Variants in GINS2 observed in about 807,000 individuals in gnomAD.
The protein encoded by GINS2 is GINS complex subunit 2, also known as DNA replication complex GINS protein PSF2.
A neutral mutation model predicts 21.2 loss-of-function variants in GINS2; 23 were observed. The ratio of observed to expected loss-of-function variants is 1.08; its 90% confidence interval spans 0.78 to 1.53. The LOEUF (loss-of-function observed/expected upper bound fraction) is 1.53. Ranked by LOEUF, GINS2 falls within the 40% of genes most tolerant of loss-of-function variation. GINS2 has a pLI of 0.00. For missense variants in GINS2, 323 were observed against 233.9 expected (o/e 1.38, Z -2.49); for synonymous variants, 118 against 85.6 (o/e 1.38, Z -2.09).
chr16:85,684,724 G>C (rs1272125492), intron 2 of GINS2, among the ~76,000 whole-genome samples: 1 of 150,768 alleles, frequency 6.6e-6, no homozygotes, highest in African/African-American at 2.4e-5. Flanking sequence ...TTGGATAAGA[G>C]AAATCAGAAA....
chr16:85,678,717 C>A (rs768569140), intron 3 of GINS2, 51 bp from the exon 4 acceptor site: 1 of 1,584,970 alleles, frequency 6.3e-7, no homozygotes, highest in Admixed American at 1.7e-5. Flanking sequence ...TAACCTGAGG[C>A]AATGCTGGAT....
At chr16:85,681,142 C>T (rs1224692603) in intron 3 of GINS2, among the ~76,000 whole-genome samples, 1 of 152,130 alleles carries the variant, frequency 6.6e-6, no homozygotes, top group African/African-American at 2.4e-5. Flanking sequence ...GCCTTTCCTG[C>T]GAAAGACACA....
Position 85,676,304 on chromosome 16 carries a change from T to C in GINS2, c.*1908A>G, listed in dbSNP as rs1269378915. Reference sequence around the variant, plus strand: ...CGGAGCTGCCTCCACTGGCTCAGGCTCTAAGAGGAGGGCATTAGGACCCCT... The same window carrying C: ...CGGAGCTGCCTCCACTGGCTCAGGCCCTAAGAGGAGGGCATTAGGACCCCT... On this transcript the variant is annotated 3_prime_UTR_variant, in exon 5 of 5. Transcript: ENST00000253462. 1.3e-5 allele frequency: 2 copies of C among 152,224 alleles called. No homozygotes were observed. The highest frequency in any genetic ancestry group is 2.9e-5 in the Non-Finnish European group (2 of 68,034). The allele number at this position is 152,224 out of a possible 1,614,324, so 9.4% of individuals were successfully genotyped here.
chr16:85,682,021 C>CTT lies in GINS2; in HGVS notation c.206-342_206-341dup, dbSNP rs56847154. ...CAGCAAAGTGATTTACCTTTACCGC[C>CTT]TTTTTTTTTTTTTTTTTTTTTTTTT... On this transcript the variant is annotated intron_variant, in intron 2 of 4. Transcript: ENST00000253462. 7.0e-3 allele frequency among the ~76,000 whole-genome samples: 514 copies of CTT among 73,366 alleles called. 107 individuals carry two copies. Among genetic ancestry groups the CTT allele is most frequent in the African/African-American group, 0.027 (462 of 17,118 alleles). The allele number at this position is 73,366 out of a possible 152,430, so 48.1% of individuals were successfully genotyped here.
Position 85,678,173 on chromosome 16 carries a change from C to G in GINS2, c.*39G>C, listed in dbSNP as rs375797950. On this transcript the variant is annotated 3_prime_UTR_variant, in exon 5 of 5. Transcript: ENST00000253462. The stretch of plus-strand genomic sequence containing the variant: ...CGAGTACCTCATCACGTCCTGAGCG[C>G]TCACATCCCCCAGCAAGCCGCCTGC... The G allele has an allele frequency of 1.4e-5, 22 of 1,603,350 alleles. No individual in the cohort carries two copies. The African/African-American group carries it at 1.9e-4, about 14-fold the overall frequency.
intron 2 of GINS2, among the ~76,000 whole-genome samples, chr16:85,684,248 C>G (rs576434176): frequency 6.6e-6 from 1 of 152,150 alleles, no homozygotes; most frequent in African/African-American, 2.4e-5. Context: ...GTGGGAGGAT[C>G]GCTTGAGCCC....
intron 2 of GINS2, among the ~76,000 whole-genome samples, chr16:85,682,812 A>C (rs1416720692): frequency 2.6e-5 from 4 of 152,168 alleles, no homozygotes; most frequent in African/African-American, 9.7e-5. Flanking sequence ...AGGGACAAGC[A>C]CGGAGCACAG....
chr16:85,681,361 G>C (rs988622080), intron 3 of GINS2, among the ~76,000 whole-genome samples: 4 of 152,234 alleles, frequency 2.6e-5, no homozygotes, highest in African/African-American at 9.6e-5. Context: ...GACAGAGAAA[G>C]GCAAAGAACA....
chr16:85,682,001 A>G (rs1333317673), intron 2 of GINS2, among the ~76,000 whole-genome samples: 1 of 149,698 alleles, frequency 6.7e-6, no homozygotes, highest in African/African-American at 2.5e-5. Context: ...GGAAACAGCA[A>G]AGTGATTTAC....
intron 3 of GINS2, among the ~76,000 whole-genome samples, chr16:85,678,896 G>A (rs1038115030): frequency 1.3e-5 from 2 of 152,208 alleles, no homozygotes; most frequent in Non-Finnish European, 2.9e-5. Flanking sequence ...GCAGGCTGCT[G>A]AACAGGACTG....
chr16:85,681,579 T>A lies in GINS2; in HGVS notation c.305+3A>T. ...TGGCCTCTAAGAGGTGAGATCTACT[T>A]ACTGATTTAACAGGAGCTTCGTAAG... is the stretch of plus-strand genomic sequence containing the variant. On this transcript the variant is annotated splice_donor_region_variant and intron_variant, in intron 3 of 4. Transcript: ENST00000253462. 1 of 1,564,810 alleles carries A rather than the reference T, an allele frequency of 6.4e-7. No homozygotes were observed. Among genetic ancestry groups the A allele is most frequent in the Non-Finnish European group, 8.8e-7 (1 of 1,135,580 alleles).
chr16:85,687,811 C>T, intron 1 of GINS2: 2 of 390,308 alleles, frequency 5.1e-6, no homozygotes, highest in South Asian at 1.0e-4. Flanking sequence ...CAAGTCTCCC[C>T]TGAGTGGGTG....
At position 85,688,899 on chromosome 16, in the gene GINS2, G is replaced by A. The variant is rs1465508660; in HGVS notation, c.-1C>T. On this transcript the variant is annotated 5_prime_UTR_variant, in exon 1 of 5. Transcript: ENST00000253462. The stretch of plus-strand genomic sequence containing the variant: ...GGAATTCGACCTCGGCAGCGTCCAT[G>A]GCGGCGCGAGCTGCAGGCCAGAGCC... 6.5e-7 allele frequency: 1 copy of A among 1,536,138 alleles called. No homozygotes were observed. The highest frequency in any genetic ancestry group is 8.8e-7 in the Non-Finnish European group (1 of 1,139,358).
chr16:85,680,857 G>C (rs1422832845), intron 3 of GINS2, among the ~76,000 whole-genome samples: 2 of 152,224 alleles, frequency 1.3e-5, no homozygotes, highest in African/African-American at 4.8e-5. Context: ...GAGCTGTAGA[G>C]AGGGTGAAAG....
chr16:85,681,688 T>C lies in GINS2; in HGVS notation c.206-7A>G. 1 of 1,549,746 alleles carries C rather than the reference T, an allele frequency of 6.5e-7. No homozygotes were observed. The highest frequency in any genetic ancestry group is 1.4e-5 in the African/African-American group (1 of 73,652). On this transcript the variant is annotated splice_region_variant and splice_polypyrimidine_tract_variant and intron_variant, in intron 2 of 4. Coordinates refer to ENST00000253462, the MANE Select transcript of GINS2 (RefSeq NM_016095.3). ...CTCATCTTCTCCAACTTTTCTGAAA[T>C]TTAGAAGTTAATACATTTTACCATC...
intron 2 of GINS2, among the ~76,000 whole-genome samples, chr16:85,686,931 A>G (rs764859717): frequency 2.0e-5 from 3 of 152,272 alleles, no homozygotes; most frequent in Non-Finnish European, 4.4e-5. Context: ...GAAATATCTT[A>G]CATTAAAATA....
Position 85,678,127 on chromosome 16 carries a change from G to C in GINS2, c.*85C>G. 8.3e-7 allele frequency: 1 copy of C among 1,209,194 alleles called. No homozygotes were observed. The highest frequency in any genetic ancestry group is 1.2e-6 in the Non-Finnish European group (1 of 837,548). The allele number at this position is 1,209,194 out of a possible 1,614,324, so 74.9% of individuals were successfully genotyped here. On this transcript the variant is annotated 3_prime_UTR_variant, in exon 5 of 5. Coordinates refer to ENST00000253462, the MANE Select transcript of GINS2 (RefSeq NM_016095.3). ...CACACATTTTTCATGCATCAGAAGT[G>C]TTTCTAGAGCTCCAGAACCACGAGT... is the stretch of plus-strand genomic sequence containing the variant.
chr16:85,680,422 C>G (rs959623983), intron 3 of GINS2, among the ~76,000 whole-genome samples: 45 of 152,138 alleles, frequency 3.0e-4, no homozygotes, highest in African/African-American at 1.0e-3. Context: ...TTAAAGGATA[C>G]CCGGGGAGCT....
intron 2 of GINS2, among the ~76,000 whole-genome samples, chr16:85,684,315 C>A (rs953227823): frequency 6.6e-6 from 1 of 151,934 alleles, no homozygotes; most frequent in African/African-American, 2.4e-5. Context: ...GCCTGGACAT[C>A]AGAGCGAGAG....
Sources: gnomAD v4.1 joint callset for allele counts (sites outside exome capture counted in the v4.1 genomes callset) on GRCh38, gnomAD v4.1.1 for gene constraint, MANE v1.5 for transcripts, NCBI Gene and HGNC (gene_info 2026-07-23, HGNC 2026-07-21) for gene names.